PSD3: variants seen among roughly 807,000 people sequenced by gnomAD.
PSD3 encodes the protein PH and SEC7 domain-containing protein 3.
Under a neutral mutation model 105.5 loss-of-function variants are expected in PSD3, and 49 were observed. The observed-to-expected ratio is 0.46, with a 90% confidence interval of 0.37 to 0.59. The LOEUF is 0.59. Ranked by LOEUF, PSD3 falls within the 20% of genes least tolerant of loss-of-function variation. The pLI, the probability that PSD3 is intolerant of heterozygous loss-of-function variation, is 0.00. For synonymous variants in PSD3, 557 were observed against 457.8 expected (o/e 1.22, Z -2.77); for missense variants, 1,561 against 1,263.8 (o/e 1.24, Z -3.57).
chr8:18,567,156 C>T (rs905625388), intron 14 of PSD3, among the ~76,000 whole-genome samples: 2 of 152,148 alleles, frequency 1.3e-5, no homozygotes, highest in East Asian at 1.9e-4. Context: ...TTCAACTCAC[C>T]TTCTCCCCTG....
In PSD3 at chr8:18,593,688, A is replaced by G. The variant is rs150500393; in HGVS notation, c.2481+6676T>C. Among the ~76,000 whole-genome samples the G allele has an allele frequency of 2.9e-3, 446 of 152,198 alleles. 1 individual carries two copies. The highest frequency in any genetic ancestry group is 0.01 in the African/African-American group (417 of 41,518). On this transcript the variant is annotated intron_variant, in intron 12 of 15. Transcript: ENST00000327040. The stretch of plus-strand genomic sequence containing the variant: ...ACACATGCTCACGTACGTTTATTGC[A>G]GCACTACTCACAATAGCAAAGACTT...
intron 9 of PSD3, among the ~76,000 whole-genome samples, chr8:18,677,963 T>C (rs1800159536): frequency 6.8e-6 from 1 of 147,318 alleles, no homozygotes; most frequent in African/African-American, 2.5e-5. Context: ...TGAGCCGAGA[T>C]CAGGCCACTG....
rs925540062 is a variant in PSD3 at position 18,859,656 on chromosome 8, C to T, written c.1634+8018G>A. Among the ~76,000 whole-genome samples, 6 of 152,336 alleles carry T rather than the reference C, an allele frequency of 3.9e-5. 1 individual carries two copies. The South Asian group carries it at 1.0e-3, about 26-fold the overall frequency. On this transcript the variant is annotated intron_variant, in intron 4 of 15. Coordinates refer to ENST00000327040, the MANE Select transcript of PSD3 (RefSeq NM_015310.4). ...GCTTCTACATCAGCACTTGCTGCTT[C>T]GTCTAGTACTTTTATGTTACGGAGA...
intron 11 of PSD3, among the ~76,000 whole-genome samples, chr8:18,602,985 A>G (rs1300015888): frequency 2.0e-5 from 3 of 152,232 alleles, no homozygotes; most frequent in African/African-American, 7.2e-5. Flanking sequence ...GAACTTGATG[A>G]GAGGAAGAGT....
At position 18,592,857 on chromosome 8, in the gene PSD3, G is replaced by A. The variant is rs995070343; in HGVS notation, c.2481+7507C>T. On this transcript the variant is annotated intron_variant, in intron 12 of 15. Coordinates refer to ENST00000327040, the MANE Select transcript of PSD3 (RefSeq NM_015310.4). ...ATCTGATCTTTGACAAACCTGACAA[G>A]AACAAGAAATGGGGAAAGGATTCCC... 2.6e-5 allele frequency among the ~76,000 whole-genome samples: 4 copies of A among 152,052 alleles called. No homozygotes were observed. The South Asian group carries it at 8.3e-4, about 31-fold the overall frequency.
At chr8:18,945,928 C>T (rs1338035216) in intron 1 of PSD3, among the ~76,000 whole-genome samples, 4 of 152,172 alleles carry the variant, frequency 2.6e-5, no homozygotes, top group Non-Finnish European at 5.9e-5. Context: ...GAGCCGAGAT[C>T]GCGCCATGCA....
intron 9 of PSD3, among the ~76,000 whole-genome samples, chr8:18,732,405 C>T (rs1803827328): frequency 6.6e-6 from 1 of 152,236 alleles, no homozygotes; most frequent in South Asian, 2.1e-4. Context: ...GGCTTTAAAT[C>T]ATCATCAGTT....
chr8:18,780,360 T>C (rs1285699810), intron 8 of PSD3, among the ~76,000 whole-genome samples: 2 of 150,062 alleles, frequency 1.3e-5, no homozygotes, highest in South Asian at 2.1e-4. Context: ...TTTTTTTTTG[T>C]TTTTCTATTC....
At chr8:18,616,648 G>T (rs1411996902) in intron 11 of PSD3, among the ~76,000 whole-genome samples, 3 of 55,536 alleles carry the variant, frequency 5.4e-5, no homozygotes, top group African/African-American at 1.2e-4. Context: ...TTTTGAGACG[G>T]AGTCTCGCTC....
chr8:18,777,199 C>T (rs983742425), intron 8 of PSD3, among the ~76,000 whole-genome samples: 20 of 152,124 alleles, frequency 1.3e-4, no homozygotes, highest in Non-Finnish European at 2.4e-4. Flanking sequence ...TGCACCACCA[C>T]GCCCAGCTAA....
At chr8:18,884,451 T>C (rs1818319704) in intron 2 of PSD3, among the ~76,000 whole-genome samples, 1 of 152,166 alleles carries the variant, frequency 6.6e-6, no homozygotes, top group African/African-American at 2.4e-5. Flanking sequence ...ATATGAGTAA[T>C]GAGAATTACT....
In PSD3 at chr8:18,871,913, C is replaced by T. The variant is rs1407887921; in HGVS notation, c.951G>A (p.Gln317=). 4 of 1,614,174 alleles carry T rather than the reference C, an allele frequency of 2.5e-6. No individual in the cohort carries two copies. The highest frequency in any genetic ancestry group is 3.3e-5 in the Admixed American group (2 of 60,022). ...GTGATGTCTCAAAATCTATAGGATGCTGGGTCTCTCTCTTGTCTCCTCCTG... is the reference window on the plus strand; with the variant it reads ...GTGATGTCTCAAAATCTATAGGATGTTGGGTCTCTCTCTTGTCTCCTCCTG... The part of the protein sequence containing the change: ...LWTGGDKRET[Q]HPIDFETSLQ... Residue 317 remains glutamine, a synonymous_variant, in exon 3 of 16, where the codon CAG becomes CAA. Transcript: ENST00000327040.
At chr8:18,812,541 T>C (rs1811784024) in intron 4 of PSD3, among the ~76,000 whole-genome samples, 1 of 152,122 alleles carries the variant, frequency 6.6e-6, no homozygotes. Context: ...CAGTAGGGGC[T>C]ATAGGTCCCG....
intron 14 of PSD3, among the ~76,000 whole-genome samples, chr8:18,565,179 AT>A (rs1450156201): frequency 1.3e-5 from 2 of 152,050 alleles, no homozygotes; most frequent in African/African-American, 4.8e-5. Flanking sequence ...GGAAATGTGC[AT>A]TTTCTGCAAG....
chr8:18,690,206 G>A (rs1465510223), intron 9 of PSD3, among the ~76,000 whole-genome samples: 3 of 152,160 alleles, frequency 2.0e-5, no homozygotes, highest in African/African-American at 4.8e-5. Context: ...TACCAATAGC[G>A]TAGGAACTGG....
At chr8:18,609,261 T>C (rs1563374384) in intron 11 of PSD3, among the ~76,000 whole-genome samples, 1 of 152,200 alleles carries the variant, frequency 6.6e-6, no homozygotes, top group Non-Finnish European at 1.5e-5. Flanking sequence ...ACCAAGAGTC[T>C]TGGCGTGAAG....
chr8:18,764,951 T>G (rs1248623347), intron 9 of PSD3, among the ~76,000 whole-genome samples: 1 of 152,200 alleles, frequency 6.6e-6, no homozygotes, highest in African/African-American at 2.4e-5. Flanking sequence ...AAAAACATCA[T>G]GCTGATGTTA....
At chr8:18,916,836 A>G (rs1820645809) in intron 2 of PSD3, among the ~76,000 whole-genome samples, 2 of 152,316 alleles carry the variant, frequency 1.3e-5, no homozygotes, top group Non-Finnish European at 2.9e-5. Context: ...ACTGTATGCC[A>G]TAAATCTATA....
intron 1 of PSD3, among the ~76,000 whole-genome samples, chr8:18,958,830 A>T (rs985651539): frequency 1.3e-5 from 2 of 152,230 alleles, no homozygotes; most frequent in Non-Finnish European, 2.9e-5. Context: ...GCACTATTTT[A>T]AAAAATCCAG....
Sources: allele counts gnomAD v4.1 joint callset (sites outside exome capture counted in the v4.1 genomes callset), GRCh38; gene constraint gnomAD v4.1.1; transcripts MANE v1.5; gene names NCBI Gene and HGNC (gene_info 2026-07-23, HGNC 2026-07-21).